NCOR2: variants seen among roughly 807,000 people sequenced by gnomAD.
NCOR2 encodes CTG repeat protein 26.
A neutral mutation model predicts 262.9 loss-of-function variants in NCOR2; 81 were observed. That is an observed-to-expected ratio of 0.31 (90% CI 0.26 to 0.37). The LOEUF is 0.37. Among genes scored for constraint, NCOR2 ranks in the 10% least tolerant of loss-of-function variants. The pLI is 1.00. For missense variants in NCOR2, 3,385 were observed against 3,621.4 expected, an observed-to-expected ratio of 0.93 and a Z score of 1.68; for synonymous variants, 1,659 against 1,559.3, an observed-to-expected ratio of 1.06 and a Z score of -1.51.
At chr12:124,433,968 CG>C (rs1339647950) in intron 8 of NCOR2, among the ~76,000 whole-genome samples, 1 of 150,314 alleles carries the variant, frequency 6.7e-6, no homozygotes, top group Admixed American at 6.6e-5. Flanking sequence ...AGCTAGTCTG[CG>C]GGGTGCTAGG....
At chr12:124,338,562 C>G (rs1163371269) in intron 37 of NCOR2, among the ~76,000 whole-genome samples, 2 of 151,418 alleles carry the variant, frequency 1.3e-5, no homozygotes, top group Non-Finnish European at 2.9e-5. Context: ...TGTGACCCCA[C>G]CCCCCTGGTG....
At chr12:124,337,574 G>A (rs2035998552) in intron 37 of NCOR2, among the ~76,000 whole-genome samples, 1 of 152,236 alleles carries the variant, frequency 6.6e-6, no homozygotes, top group African/African-American at 2.4e-5. Flanking sequence ...GGTACCAGGA[G>A]AGAACGGCAA....
At position 124,343,349 on chromosome 12, in the gene NCOR2, T is replaced by G; in HGVS notation, c.4715-123A>C. 4.2e-6 allele frequency: 3 copies of G among 718,976 alleles called. 1 individual carries two copies. The highest frequency in any genetic ancestry group is 2.2e-6 in the Non-Finnish European group (1 of 449,900). The allele number at this position is 718,976 out of a possible 1,614,324, so 44.5% of individuals were successfully genotyped here. ...CTTCATTCACTCCTTCATTTCTTCA[T>G]TGCCTTAGTTCACTTTTTGCTCACT... On this transcript the variant is annotated intron_variant, in intron 32 of 46. Coordinates refer to ENST00000405201, the Ensembl canonical transcript of NCOR2.
At chr12:124,476,832 G>A (rs547089741) in intron 3 of NCOR2, among the ~76,000 whole-genome samples, 3 of 151,316 alleles carry the variant, frequency 2.0e-5, no homozygotes, top group South Asian at 2.1e-4. Context: ...CATGGAGGCC[G>A]AGGCAGGAGG....
exon 38 of NCOR2, chr12:124,337,130 G>A: frequency 6.6e-7 from 1 of 1,513,930 alleles, no homozygotes; most frequent in East Asian, 2.4e-5. Flanking sequence ...GCAGTGGGTG[G>A]CAGGTGGGAA....
Position 124,372,420 on chromosome 12 carries a change from G to A in NCOR2, c.2409C>T (p.Thr803=), listed in dbSNP as rs751520436. 59 of 1,511,786 alleles carry A rather than the reference G, an allele frequency of 3.9e-5. 1 individual carries two copies. The South Asian group carries it at 4.8e-4, about 12-fold the overall frequency. The allele number at this position is 1,511,786 out of a possible 1,614,324, so 93.6% of individuals were successfully genotyped here. A position where few individuals can be genotyped will look rare whatever the true frequency, so the allele number is the denominator to read the frequency against. Reference sequence around the variant, plus strand: ...GTGCTGGTGGGGGCGTAGGGGCTCCGGTGGCTTCAGAGGCCGGGGTGGGCT... The same window carrying A: ...GTGCTGGTGGGGGCGTAGGGGCTCCAGTGGCTTCAGAGGCCGGGGTGGGCT... The change falls in exon 20 of 47, where the codon ACC becomes ACT. Residue 803 remains threonine (T), a synonymous_variant. Transcript: ENST00000405201.
intron 20 of NCOR2, among the ~76,000 whole-genome samples, chr12:124,368,098 AC>A (rs1298777878): frequency 6.6e-6 from 1 of 152,158 alleles, no homozygotes; most frequent in Non-Finnish European, 1.5e-5. Flanking sequence ...CCCCTCTCTG[AC>A]CATGTGACTT....
upstream of NCOR2, among the ~76,000 whole-genome samples, chr12:124,536,622 C>T (rs556514571): frequency 1.3e-5 from 2 of 152,296 alleles, no homozygotes; most frequent in Non-Finnish European, 1.5e-5. Context: ...CACTGCTCAC[C>T]CATAGGGATG....
chr12:124,339,318 TCCATCCATCC>T (rs2036199952), intron 37 of NCOR2, among the ~76,000 whole-genome samples: 1 of 118,234 alleles, frequency 8.5e-6, no homozygotes, highest in African/African-American at 3.4e-5. Context: ...CATCCATCCA[TCCATCCATCC>T]ATCCATCTGG....
chr12:124,439,415 A>T (rs1224515102), intron 7 of NCOR2, among the ~76,000 whole-genome samples: 16 of 13,076 alleles, frequency 1.2e-3, no homozygotes, highest in Middle Eastern at 0.045. Flanking sequence ...ACAGAGACCC[A>T]GAGAGAGAGA....
intron 37 of NCOR2, among the ~76,000 whole-genome samples, chr12:124,339,715 CCCAGCCAT>C: frequency 1.1e-5 from 1 of 90,888 alleles, no homozygotes; most frequent in African/African-American, 3.2e-5. Flanking sequence ...AACCAGCTAA[CCCAGCCAT>C]CTATCTTTCC....
chr12:124,351,008 T>C (rs1466488643), intron 27 of NCOR2, among the ~76,000 whole-genome samples: 5 of 152,298 alleles, frequency 3.3e-5, no homozygotes, highest in Non-Finnish European at 5.9e-5. Context: ...GAAACAACCC[T>C]AAGACAACCC....
At chr12:124,455,159 G>A (rs1365211354) in intron 6 of NCOR2, among the ~76,000 whole-genome samples, 4 of 152,210 alleles carry the variant, frequency 2.6e-5, no homozygotes, top group African/African-American at 4.8e-5. Flanking sequence ...AAAATTGACC[G>A]TGGTGACAGT....
exon 33 of NCOR2, chr12:124,343,133 T>C (rs1593137281): frequency 6.2e-7 from 1 of 1,612,010 alleles, no homozygotes; most frequent in Non-Finnish European, 8.5e-7. Flanking sequence ...GTGTGGGTGG[T>C]GCTCGGGCAC....
chr12:124,460,996 G>A (rs910195662), intron 5 of NCOR2, among the ~76,000 whole-genome samples: 1 of 152,252 alleles, frequency 6.6e-6, no homozygotes, highest in Non-Finnish European at 1.5e-5. Context: ...GGACACACTT[G>A]TTAGAGCTGA....
chr12:124,456,306 C>T (rs1412170641), intron 6 of NCOR2, among the ~76,000 whole-genome samples: 3 of 152,234 alleles, frequency 2.0e-5, no homozygotes, highest in Non-Finnish European at 4.4e-5. Flanking sequence ...CACGGCCATC[C>T]ATGCTGACCA....
intron 6 of NCOR2, among the ~76,000 whole-genome samples, chr12:124,451,505 C>A (rs1415722202): frequency 6.6e-6 from 1 of 152,166 alleles, no homozygotes; most frequent in Non-Finnish European, 1.5e-5. Context: ...CCTCTCAGCC[C>A]CAGCGCTGGA....
chr12:124,505,253 T>C (rs1262937124), intron 1 of NCOR2, among the ~76,000 whole-genome samples: 9 of 152,216 alleles, frequency 5.9e-5, no homozygotes, highest in Admixed American at 5.9e-4. Context: ...CTGCCTCTAC[T>C]GGCACCTCCT....
chr12:124,503,102 C>T lies in NCOR2; in HGVS notation c.-117-7734G>A, dbSNP rs144592918. 6.6e-6 allele frequency among the ~76,000 whole-genome samples: 1 copy of T among 152,342 alleles called. No homozygotes were observed. Among genetic ancestry groups the T allele is most frequent in the Non-Finnish European group, 1.5e-5 (1 of 68,036 alleles). On this transcript the variant is annotated intron_variant, in intron 1 of 46. Coordinates refer to the NCOR2 transcript ENST00000404621. The surrounding 1 kb of genome is among the most constrained non-coding windows in gnomAD (Gnocchi z 4.3). Reference sequence around the variant, plus strand: ...TGCCACCCACAAGGGTGCGGTCTGCCCTCCAGCTGAGACCAGGCAAGCCAA... The same window carrying T: ...TGCCACCCACAAGGGTGCGGTCTGCTCTCCAGCTGAGACCAGGCAAGCCAA...
Sources: gnomAD v4.1 joint callset for allele counts (sites outside exome capture counted in the v4.1 genomes callset) on GRCh38, gnomAD v4.1.1 for gene constraint, Gnocchi (gnomAD v3.1) non-coding constraint, MANE v1.5 for transcripts, NCBI Gene and HGNC (gene_info 2026-07-23, HGNC 2026-07-21) for gene names.